SUSD1: variants seen among roughly 807,000 people sequenced by gnomAD.
SUSD1 encodes the protein sushi domain containing 1.
Under a neutral mutation model 86.9 loss-of-function variants are expected in SUSD1, and 65 were observed. The observed-to-expected ratio is 0.75, with a 90% confidence interval of 0.61 to 0.92. The LOEUF is 0.92. Among genes scored for constraint, SUSD1 ranks in the 40% least tolerant of loss-of-function variants. The pLI, the probability that SUSD1 is intolerant of heterozygous loss-of-function variation, is 0.00. For synonymous variants in SUSD1, 346 were observed against 350.0 expected, an observed-to-expected ratio of 0.99 and a Z score of 0.13; for missense variants, 850 against 929.7, an observed-to-expected ratio of 0.91 and a Z score of 1.11.
Position 112,058,647 on chromosome 9 carries a change from G to A in SUSD1, c.1890C>T (p.Ser630=). Residue 630 remains serine, a synonymous_variant, in exon 14 of 17, where the codon AGC becomes AGT. Transcript: ENST00000374270. The part of the protein sequence containing the change: ...QVLVLPLALQ[S]TFSCDSEGAS... Reference sequence around the variant, plus strand: ...CGCCTTCAGAATCACAAGAAAATGTGCTTTGGAGGGCCAGGGGAAGCACTA... The same window carrying A: ...CGCCTTCAGAATCACAAGAAAATGTACTTTGGAGGGCCAGGGGAAGCACTA... The A allele has an allele frequency of 1.9e-6, 3 of 1,614,184 alleles. No individual in the cohort carries two copies. The highest frequency in any genetic ancestry group is 2.5e-6 in the Non-Finnish European group (3 of 1,180,026).
chr9:112,172,252 G>A (rs10817277), intron 1 of SUSD1, among the ~76,000 whole-genome samples: 43,814 of 150,630 alleles, frequency 0.29, 7,038 homozygotes, highest in Middle Eastern at 0.35. Flanking sequence ...CCTCAACCTA[G>A]AGCCCTCACA....
chr9:112,063,929 C>G (rs1828848354), intron 12 of SUSD1, among the ~76,000 whole-genome samples: 1 of 152,184 alleles, frequency 6.6e-6, no homozygotes, highest in African/African-American at 2.4e-5. Flanking sequence ...AACTTCTTCC[C>G]TCTCCAAAGT....
rs1377322664 is a variant in SUSD1, at chr9:112,170,706, TATATAG to T, written c.103+4421_103+4426del. On this transcript the variant is annotated intron_variant, in intron 1 of 16. Transcript: ENST00000374270. ...AATGGCCAGATCATATATATATATA[TATATAG>T]AGAGAGAGAGAGAGAGAGAGAGAGC... Among the ~76,000 whole-genome samples the T allele has an allele frequency of 2.5e-3, 223 of 88,360 alleles. 3 individuals are homozygous for T. The highest frequency in any genetic ancestry group is 0.012 in the African/African-American group (215 of 17,838). The allele number at this position is 88,360 out of a possible 152,430, so 58.0% of individuals were successfully genotyped here. A position where few individuals can be genotyped will look rare whatever the true frequency, so the allele number is the denominator to read the frequency against.
At chr9:112,142,604 AGC>A in intron 4 of SUSD1, 105 bp from the exon 5 acceptor site, 2 of 1,084,468 alleles carry the variant, frequency 1.8e-6, no homozygotes, top group African/African-American at 1.6e-5. Flanking sequence ...CACACCCCCG[AGC>A]CATATTTTAA....
At chr9:112,044,228 C>T (rs891589544) in intron 15 of SUSD1, among the ~76,000 whole-genome samples, 1 of 152,162 alleles carries the variant, frequency 6.6e-6, no homozygotes. Flanking sequence ...GGAATGAATA[C>T]ATTGGAACAA....
At chr9:112,072,294 C>T (rs1447395674) in intron 12 of SUSD1, among the ~76,000 whole-genome samples, 3 of 151,526 alleles carry the variant, frequency 2.0e-5, no homozygotes, top group African/African-American at 4.8e-5. Flanking sequence ...GGATTACAAG[C>T]ACCCACACCA....
intron 12 of SUSD1, 61 bp downstream of exon 12, chr9:112,078,476 CA>C: frequency 6.8e-7 from 1 of 1,474,564 alleles, no homozygotes; most frequent in Non-Finnish European, 9.3e-7. Flanking sequence ...TCCTCTTTAT[CA>C]GGACCTATGA....
At chr9:112,047,608 A>C (rs1392655819) in intron 15 of SUSD1, among the ~76,000 whole-genome samples, 1 of 152,132 alleles carries the variant, frequency 6.6e-6, no homozygotes, top group African/African-American at 2.4e-5. Context: ...AGTGGGAACT[A>C]TTTGGGTCAT....
In SUSD1 at chr9:112,170,864, C is replaced by A. The variant is rs1053568507; in HGVS notation, c.103+4269G>T. 2.6e-5 allele frequency among the ~76,000 whole-genome samples: 4 copies of A among 151,994 alleles called. No homozygotes were observed. In the South Asian group the frequency reaches 8.3e-4, roughly 31 times the overall value. ...AGCTAGGATTACAAGCGCCCACCAC[C>A]AGGCCCGGCCAATTTTTTTTGTATT... is the stretch of plus-strand genomic sequence containing the variant. On this transcript the variant is annotated intron_variant, in intron 1 of 16. Transcript: ENST00000374270.
At chr9:112,047,244 C>A (rs915899450) in intron 15 of SUSD1, among the ~76,000 whole-genome samples, 3 of 152,100 alleles carry the variant, frequency 2.0e-5, no homozygotes, top group African/African-American at 7.2e-5. Context: ...GTGCTACACA[C>A]GTTCAAACAA....
chr9:112,067,948 A>AT (rs1263873180), intron 12 of SUSD1, among the ~76,000 whole-genome samples: 2 of 152,180 alleles, frequency 1.3e-5, no homozygotes, highest in African/African-American at 4.8e-5. Context: ...ATTATAATAA[A>AT]TAAAAACTTA....
chr9:112,051,512 A>G (rs1309202937), intron 15 of SUSD1, among the ~76,000 whole-genome samples: 1 of 144,366 alleles, frequency 6.9e-6, no homozygotes, highest in Non-Finnish European at 1.5e-5. Flanking sequence ...GCTCACCGCA[A>G]CCTTTGCCTC....
chr9:112,155,370 C>T (rs532796420), intron 2 of SUSD1, among the ~76,000 whole-genome samples: 9 of 152,106 alleles, frequency 5.9e-5, no homozygotes, highest in Middle Eastern at 3.4e-3. Flanking sequence ...CTAGCAAGTG[C>T]GGGTGAGGAA....
chr9:112,040,931 A>C lies in SUSD1; in HGVS notation c.*561T>G, dbSNP rs1827708435. Reference sequence around the variant, plus strand: ...AGTATATTTTCTCATTAGTATATCAACTAATTATAGGAAAAGTACTGTTTC... The same window carrying C: ...AGTATATTTTCTCATTAGTATATCACCTAATTATAGGAAAAGTACTGTTTC... On this transcript the variant is annotated 3_prime_UTR_variant, in exon 17 of 17. Coordinates refer to ENST00000374270, the MANE Select transcript of SUSD1 (RefSeq NM_022486.5). 1 of 156,960 alleles carries C rather than the reference A, an allele frequency of 6.4e-6. No individual in the cohort carries two copies. Among genetic ancestry groups the C allele is most frequent in the South Asian group, 1.9e-4 (1 of 5,186 alleles). The allele number at this position is 156,960 out of a possible 1,614,324, so 9.7% of individuals were successfully genotyped here.
rs377025371 is a variant in SUSD1 at position 112,125,613 on chromosome 9, A to T, written c.707-1177T>A. Among the ~76,000 whole-genome samples the T allele has an allele frequency of 1.3e-4, 20 of 152,320 alleles. No individual in the cohort carries two copies. In the East Asian group the frequency reaches 1.5e-3, roughly 12 times the overall value. Reference sequence around the variant, plus strand: ...AAAAAAACTTGAGGCATTCATTCTGATTTGTGATTTTCTCCCCAATCCGTA... The same window carrying T: ...AAAAAAACTTGAGGCATTCATTCTGTTTTGTGATTTTCTCCCCAATCCGTA... On this transcript the variant is annotated intron_variant, in intron 5 of 16. Coordinates refer to ENST00000374270, the MANE Select transcript of SUSD1 (RefSeq NM_022486.5).
At chr9:112,152,943 G>C (rs1833130721) in intron 2 of SUSD1, among the ~76,000 whole-genome samples, 2 of 148,066 alleles carry the variant, frequency 1.4e-5, no homozygotes, top group Admixed American at 1.4e-4. Flanking sequence ...GAAAAAAAAT[G>C]TTTTTACTTT....
At chr9:112,042,361 G>T (rs1047280024) in intron 15 of SUSD1, among the ~76,000 whole-genome samples, 1 of 152,078 alleles carries the variant, frequency 6.6e-6, no homozygotes, top group African/African-American at 2.4e-5. Flanking sequence ...TTTGAATTTG[G>T]TTTCCAAAAC....
At chr9:112,069,498 G>A (rs1328662026) in intron 12 of SUSD1, among the ~76,000 whole-genome samples, 1 of 152,164 alleles carries the variant, frequency 6.6e-6, no homozygotes, top group African/African-American at 2.4e-5. Context: ...CATGTCCCCT[G>A]GGAACGTACC....
At chr9:112,173,692 C>A in intron 1 of SUSD1, 2 of 430,276 alleles carry the variant, frequency 4.6e-6, no homozygotes, top group Non-Finnish European at 9.0e-6. Flanking sequence ...TTGAGGTGGG[C>A]AACGTAGGCA....
Sources: gnomAD v4.1 joint callset for allele counts (sites outside exome capture counted in the v4.1 genomes callset) on GRCh38, gnomAD v4.1.1 for gene constraint, MANE v1.5 for transcripts, NCBI Gene and HGNC (gene_info 2026-07-23, HGNC 2026-07-21) for gene names.